Variants in PTH2R observed in about 807,000 individuals in gnomAD.
PTH2R encodes the protein PTH2 receptor.
PTH2R carries 59 observed loss-of-function variants against 60.3 expected under a neutral mutation model. The observed-to-expected ratio is 0.98, with a 90% CI of 0.79 to 1.22. The LOEUF (loss-of-function observed/expected upper bound fraction) is 1.22. PTH2R is among the 50% of genes most tolerant of loss of function. The pLI, the probability that PTH2R is intolerant of heterozygous loss-of-function variation, is 0.00. For synonymous variants in PTH2R, 256 were observed against 243.8 expected, an observed-to-expected ratio of 1.05 and a Z score of -0.47; for missense variants, 749 against 682.6, an observed-to-expected ratio of 1.10 and a Z score of -1.08.
intron 1 of PTH2R, among the ~76,000 whole-genome samples, chr2:208,387,734 T>C (rs1391111186): frequency 6.6e-6 from 1 of 152,240 alleles, no homozygotes; most frequent in Non-Finnish European, 1.5e-5. Flanking sequence ...GTCACAATGT[T>C]GTAATCTTTA....
At position 208,406,845 on chromosome 2, in the gene PTH2R, G is replaced by A; in HGVS notation, c.-199G>A. On this transcript the variant is annotated 5_prime_UTR_variant, in exon 1 of 13. Coordinates refer to ENST00000272847, the MANE Select transcript of PTH2R (RefSeq NM_005048.4). Reference sequence around the variant, plus strand: ...AAGACCAACCTCGCGCCGCGGCGCAGCAGCACGCGGGTTCTGAGAAGCGCG... The same window carrying A: ...AAGACCAACCTCGCGCCGCGGCGCAACAGCACGCGGGTTCTGAGAAGCGCG... 2.5e-6 allele frequency: 1 copy of A among 404,242 alleles called. No homozygotes were observed. Among genetic ancestry groups the A allele is most frequent in the Non-Finnish European group, 4.4e-6 (1 of 229,682 alleles). The allele number at this position is 404,242 out of a possible 1,614,324, so 25.0% of individuals were successfully genotyped here.
At chr2:208,394,282 G>A (rs10173178) in intron 1 of PTH2R, among the ~76,000 whole-genome samples, 7,184 of 152,312 alleles carry the variant, frequency 0.047, 249 homozygotes, top group African/African-American at 0.1. Context: ...TCTCAGGGCC[G>A]AAGGAGTCCC....
chr2:208,362,198 T>C (rs891294281), intron 1 of PTH2R, among the ~76,000 whole-genome samples: 1 of 152,342 alleles, frequency 6.6e-6, no homozygotes, highest in South Asian at 2.1e-4. Context: ...GGTTTCACTG[T>C]ATGTTTCCCT....
chr2:208,481,506 C>T lies in PTH2R; in HGVS notation c.1076+342C>T, dbSNP rs145118186. On this transcript the variant is annotated intron_variant, in intron 10 of 12. Coordinates refer to ENST00000272847, the MANE Select transcript of PTH2R (RefSeq NM_005048.4). The stretch of plus-strand genomic sequence containing the variant: ...GGTTACAGGTATGAGCCACCATACC[C>T]GGCCTTTGGTTACTATTTAAGTAAA... Among the ~76,000 whole-genome samples the T allele has an allele frequency of 2.5e-3, 376 of 152,066 alleles. 2 individuals are homozygous for T. The highest frequency in any genetic ancestry group is 7.7e-3 in the African/African-American group (321 of 41,480).
At chr2:208,478,947 T>G (rs933472441) in intron 9 of PTH2R, among the ~76,000 whole-genome samples, 1 of 152,212 alleles carries the variant, frequency 6.6e-6, no homozygotes, top group Non-Finnish European at 1.5e-5. Context: ...TAGTAGTCAA[T>G]AACTTAGTTT....
intron 7 of PTH2R, among the ~76,000 whole-genome samples, chr2:208,445,764 A>T (rs924105861): frequency 1.3e-5 from 2 of 152,182 alleles, no homozygotes; most frequent in African/African-American, 4.8e-5. Context: ...CTGAAATGTG[A>T]AGTAAAGAAT....
chr2:208,384,199 G>A (rs746333527), intron 1 of PTH2R, among the ~76,000 whole-genome samples: 11 of 152,186 alleles, frequency 7.2e-5, no homozygotes, highest in Non-Finnish European at 1.3e-4. Flanking sequence ...GTTAGAGCAG[G>A]TTTCCGGGTG....
intron 1 of PTH2R, among the ~76,000 whole-genome samples, chr2:208,398,860 CAG>C (rs1398495102): frequency 2.6e-5 from 4 of 152,290 alleles, no homozygotes; most frequent in African/African-American, 9.6e-5. Flanking sequence ...AAACTTGACT[CAG>C]AATTCAAAGG....
intron 9 of PTH2R, among the ~76,000 whole-genome samples, chr2:208,477,128 A>G (rs1703022976): frequency 6.6e-6 from 1 of 152,224 alleles, no homozygotes. Context: ...AATCTTGATT[A>G]AACACCAAGA....
At chr2:208,386,888 T>G (rs1398676990) in intron 1 of PTH2R, among the ~76,000 whole-genome samples, 1 of 152,212 alleles carries the variant, frequency 6.6e-6, no homozygotes, top group Non-Finnish European at 1.5e-5. Context: ...CTTTAACATG[T>G]GAATCATTTG....
At chr2:208,466,218 T>A (rs1012616691) in intron 9 of PTH2R, 1 of 152,554 alleles carries the variant, frequency 6.6e-6, no homozygotes, top group African/African-American at 2.4e-5. Flanking sequence ...GAATGAAATG[T>A]TTCCCATCAT....
chr2:208,418,192 A>G (rs1701680429), intron 1 of PTH2R, among the ~76,000 whole-genome samples: 2 of 152,120 alleles, frequency 1.3e-5, no homozygotes, highest in South Asian at 2.1e-4. Flanking sequence ...AATTATGCTG[A>G]ACCTATATGA....
At chr2:208,456,805 A>T (rs1453083606) in intron 8 of PTH2R, among the ~76,000 whole-genome samples, 1 of 152,240 alleles carries the variant, frequency 6.6e-6, no homozygotes, top group Admixed American at 6.5e-5. Flanking sequence ...AGACAGTGTG[A>T]GTGGGAACAT....
At position 208,437,645 on chromosome 2, in the gene PTH2R, A is replaced by T. The variant is rs757909022; in HGVS notation, c.287A>T (p.Lys96Ile). 6.2e-7 allele frequency: 1 copy of T among 1,609,224 alleles called. No individual in the cohort carries two copies. Among genetic ancestry groups the T allele is most frequent in the East Asian group, 2.2e-5 (1 of 44,850 alleles). The change falls in exon 3 of 13, where the codon AAA becomes ATA. Residue 96 changes from lysine to isoleucine, a missense_variant and splice_region_variant. By Grantham distance (102) the Lys-to-Ile change is moderately radical (BLOSUM62 -3). Coordinates refer to ENST00000272847, the MANE Select transcript of PTH2R (RefSeq NM_005048.4). ...CPPYIYDFNH[K>I]GVAFRHCNPN... ...CCTTATATTTATGACTTCAACCATA[A>T]AGGTATTGAATTTTTCTAAAATGAT...
chr2:208,476,479 T>C (rs1703006748), intron 9 of PTH2R, among the ~76,000 whole-genome samples: 1 of 152,170 alleles, frequency 6.6e-6, no homozygotes, highest in Admixed American at 6.5e-5. Flanking sequence ...TTCCAACTGA[T>C]TAGAAATGAA....
intron 9 of PTH2R, among the ~76,000 whole-genome samples, chr2:208,473,382 A>T (rs1166990161): frequency 6.6e-6 from 1 of 152,258 alleles, no homozygotes; most frequent in African/African-American, 2.4e-5. Context: ...GAAGAAAGAT[A>T]TGAAGTAGGC....
At chr2:208,427,425 T>TCC (rs1341907952) in intron 1 of PTH2R, among the ~76,000 whole-genome samples, 33 of 152,208 alleles carry the variant, frequency 2.2e-4, no homozygotes, top group Non-Finnish European at 3.8e-4. Flanking sequence ...TGTTGTATTA[T>TCC]ATTGATAGAT....
At chr2:208,402,510 T>C (rs1428015325), upstream of PTH2R, among the ~76,000 whole-genome samples, 1 of 152,170 alleles carries the variant, frequency 6.6e-6, no homozygotes, top group East Asian at 1.9e-4. Context: ...AAGTCCTCAA[T>C]CAAATTTTAT....
At chr2:208,393,059 G>C (rs1233630042) in intron 1 of PTH2R, among the ~76,000 whole-genome samples, 1 of 152,212 alleles carries the variant, frequency 6.6e-6, no homozygotes, top group Non-Finnish European at 1.5e-5. Flanking sequence ...GATGCACCTT[G>C]GGGATTCTGG....
Sources: allele counts gnomAD v4.1 joint callset (sites outside exome capture counted in the v4.1 genomes callset), GRCh38; gene constraint gnomAD v4.1.1; transcripts MANE v1.5; gene names NCBI Gene and HGNC (gene_info 2026-07-23, HGNC 2026-07-21).